Variants in PWWP3B observed in about 807,000 individuals in gnomAD.
The protein encoded by PWWP3B is PWWP domain-containing DNA repair factor 3B.
Under a neutral mutation model 15.7 loss-of-function variants are expected in PWWP3B, and 5 were observed. That is an observed-to-expected ratio of 0.32 (90% CI 0.17 to 0.67). PWWP3B has a LOEUF of 0.67. Among genes scored for constraint, PWWP3B ranks in the 30% least tolerant of loss-of-function variants. The probability of loss-of-function intolerance (pLI) is 0.74; values close to 1 mark genes in which losing one functional copy is unlikely to be tolerated. For missense variants in PWWP3B, 519 were observed against 493.1 expected (o/e 1.05, Z -0.50); for synonymous variants, 203 against 179.8 (o/e 1.13, Z -1.03).
Position 106,207,994 on chromosome X carries a change from G to T in PWWP3B, c.*471G>T, listed in dbSNP as rs1297367437. ...TGGGTTTTCCCTTAAGATAGTTGAAGTATTTTTCTTGCCATGCCTATTTAT... is the reference window on the plus strand; with the variant it reads ...TGGGTTTTCCCTTAAGATAGTTGAATTATTTTTCTTGCCATGCCTATTTAT... On this transcript the variant is annotated 3_prime_UTR_variant, in exon 4 of 4. Coordinates refer to ENST00000357175, the MANE Select transcript of PWWP3B (RefSeq NM_001171020.2). The T allele has an allele frequency of 8.1e-6, 1 of 123,781 alleles. No homozygotes were observed. The highest frequency in any genetic ancestry group is 1.9e-5 in the Non-Finnish European group (1 of 53,682). The allele number at this position is 123,781 out of a possible 1,213,427, so 10.2% of individuals were successfully genotyped here.
Position 106,206,227 on chromosome X carries a change from C to A in PWWP3B, c.795C>A (p.Thr265=). 2 of 1,205,040 alleles carry A rather than the reference C, an allele frequency of 1.7e-6. No homozygotes were observed. Among genetic ancestry groups the A allele is most frequent in the Non-Finnish European group, 2.2e-6 (2 of 891,912 alleles). ...AGAGCGAGGATACCTGCCTAGAGAC[C>A]CTGGCTGTTCCCTCTGAATGCTCTG... is the stretch of plus-strand genomic sequence containing the variant. ...KEESEDTCLE[T]LAVPSECSAF... Residue 265 remains threonine (T), a synonymous_variant, in exon 4 of 4, where the codon ACC becomes ACA. Transcript: ENST00000357175.
intron 2 of PWWP3B, among the ~76,000 whole-genome samples, chrX:106,177,849 A>G (rs1921980753): frequency 8.9e-6 from 1 of 111,813 alleles, no homozygotes; most frequent in African/African-American, 3.3e-5. Context: ...TAGGAAGGGA[A>G]CTAGACTCCC....
In PWWP3B at chrX:106,205,516, C is replaced by T; in HGVS notation, c.84C>T (p.Asn28=). ...KVLSRSETSS[N]SKRKKAFSLE... ...TGTCCAGATCTGAAACTTCATCAAA[C>T]AGTAAGAGGAAAAAGGCATTTTCTC... Residue 28 remains asparagine, a synonymous_variant, in exon 4 of 4, where the codon AAC becomes AAT. Coordinates refer to ENST00000357175, the MANE Select transcript of PWWP3B (RefSeq NM_001171020.2). 1 of 1,201,384 alleles carries T rather than the reference C, an allele frequency of 8.3e-7. No individual in the cohort carries two copies. Among genetic ancestry groups the T allele is most frequent in the East Asian group, 3.0e-5 (1 of 33,653 alleles).
intron 2 of PWWP3B, among the ~76,000 whole-genome samples, chrX:106,195,356 C>T: frequency 9.0e-6 from 1 of 111,398 alleles, no homozygotes. Context: ...TTTTCAAGTC[C>T]AATTTATTAA....
chrX:106,171,493 CATAGTT>C (rs1450828850), intron 2 of PWWP3B, among the ~76,000 whole-genome samples: 1 of 111,675 alleles, frequency 9.0e-6, no homozygotes, highest in Non-Finnish European at 1.9e-5. Context: ...AACTAGATAA[CATAGTT>C]ATAAAGGTTT....
At chrX:106,173,835 C>T (rs1407998527) in intron 2 of PWWP3B, among the ~76,000 whole-genome samples, 1 of 111,633 alleles carries the variant, frequency 9.0e-6, no homozygotes, top group East Asian at 2.8e-4. Flanking sequence ...TCCTTGCTGA[C>T]TATGCTATCT....
chrX:106,191,870 C>T (rs1344957695), intron 2 of PWWP3B, among the ~76,000 whole-genome samples: 1 of 111,870 alleles, frequency 8.9e-6, no homozygotes, highest in African/African-American at 3.3e-5. Context: ...TTGAACCATT[C>T]TTGCATCCCA....
intron 2 of PWWP3B, among the ~76,000 whole-genome samples, chrX:106,195,884 A>G (rs896091436): frequency 6.3e-5 from 7 of 111,866 alleles, no homozygotes; most frequent in African/African-American, 2.3e-4. Flanking sequence ...TTGGGGAGAT[A>G]TAACATCCTA....
chrX:106,202,769 A>G (rs1039239536), intron 2 of PWWP3B, among the ~76,000 whole-genome samples: 2 of 112,237 alleles, frequency 1.8e-5, no homozygotes, highest in East Asian at 5.6e-4. Flanking sequence ...TGCCTGAGAA[A>G]CAGTATAAGG....
chrX:106,200,152 T>G (rs1923616312), intron 2 of PWWP3B, among the ~76,000 whole-genome samples: 1 of 111,528 alleles, frequency 9.0e-6, no homozygotes, highest in Non-Finnish European at 1.9e-5. Context: ...CTCCCTCTTG[T>G]TTAGGCTGTT....
chrX:106,195,910 G>T (rs1041920551), intron 2 of PWWP3B, among the ~76,000 whole-genome samples: 20 of 111,472 alleles, frequency 1.8e-4, no homozygotes, highest in African/African-American at 5.5e-4. Context: ...TAGTATTTCA[G>T]TTATTCAGTC....
intron 2 of PWWP3B, among the ~76,000 whole-genome samples, chrX:106,184,765 G>C (rs1444740158): frequency 1.8e-5 from 2 of 111,772 alleles, no homozygotes; most frequent in Non-Finnish European, 3.8e-5. Flanking sequence ...CCCCAGGTCT[G>C]CCTTGATCTG....
At chrX:106,199,638 A>G (rs888717061) in intron 2 of PWWP3B, among the ~76,000 whole-genome samples, 13 of 111,195 alleles carry the variant, frequency 1.2e-4, no homozygotes, top group Non-Finnish European at 1.3e-4. Context: ...AAAAAGCCCA[A>G]GCTGGTTATT....
At chrX:106,186,253 C>T (rs994537824) in intron 2 of PWWP3B, among the ~76,000 whole-genome samples, 4 of 110,531 alleles carry the variant, frequency 3.6e-5, no homozygotes, top group African/African-American at 1.3e-4. Flanking sequence ...TTGTCAGGAC[C>T]CCAGAGCTGA....
At chrX:106,200,116 T>TA (rs1005415796) in intron 2 of PWWP3B, among the ~76,000 whole-genome samples, 2 of 111,408 alleles carry the variant, frequency 1.8e-5, no homozygotes, top group African/African-American at 3.3e-5. Flanking sequence ...ACCTGACCAC[T>TA]AAAACCTTCC....
chrX:106,186,487 A>G (rs1486009625), intron 2 of PWWP3B, among the ~76,000 whole-genome samples: 1 of 111,395 alleles, frequency 9.0e-6, no homozygotes, highest in Admixed American at 9.5e-5. Context: ...AAGGAAAAAT[A>G]GAACAGAATA....
At chrX:106,178,651 G>A (rs941458592) in intron 2 of PWWP3B, among the ~76,000 whole-genome samples, 9 of 111,474 alleles carry the variant, frequency 8.1e-5, no homozygotes, top group African/African-American at 2.9e-4. Context: ...CATTTGAAGT[G>A]ATTCACTAAA....
intron 2 of PWWP3B, among the ~76,000 whole-genome samples, chrX:106,202,537 G>A (rs1373847244): frequency 9.0e-6 from 1 of 111,594 alleles, no homozygotes; most frequent in Non-Finnish European, 1.9e-5. Flanking sequence ...ACTTGATCAA[G>A]TGGGTAGCAT....
chrX:106,197,067 G>A (rs1923422186), intron 2 of PWWP3B, among the ~76,000 whole-genome samples: 1 of 111,813 alleles, frequency 8.9e-6, no homozygotes, highest in Non-Finnish European at 1.9e-5. Flanking sequence ...CTGTTGTCCT[G>A]TCTAGCCACA....
Sources: gnomAD v4.1 joint callset for allele counts (sites outside exome capture counted in the v4.1 genomes callset) on GRCh38, gnomAD v4.1.1 for gene constraint, MANE v1.5 for transcripts, NCBI Gene and HGNC (gene_info 2026-07-23, HGNC 2026-07-21) for gene names.